The following TBC1D19 variants were observed in gnomAD, a reference collection of about 807,000 sequenced individuals.
The protein encoded by TBC1D19 is TBC1 domain family member 19, also known as TBC1 domain family, member 19.
Under a neutral mutation model 89.0 loss-of-function variants are expected in TBC1D19, and 60 were observed. The ratio of observed to expected loss-of-function variants is 0.67; its 90% CI spans 0.55 to 0.84. TBC1D19 has a LOEUF of 0.84. Among genes scored for constraint, TBC1D19 ranks in the 40% least tolerant of loss-of-function variants. The pLI is 0.00. For synonymous variants in TBC1D19, 189 were observed against 199.7 expected (o/e 0.95, Z 0.45); for missense variants, 500 against 610.8 (o/e 0.82, Z 1.91).
chr4:26,834,029 C>G, the TBC1D19 span, among the ~76,000 whole-genome samples: 1 of 152,150 alleles, frequency 6.6e-6, no homozygotes, highest in Non-Finnish European at 1.5e-5. Context: ...CCCTGTTGTT[C>G]TCGTGATAGT....
chr4:26,658,182 A>G (rs1744986447), intron 7 of TBC1D19, among the ~76,000 whole-genome samples: 1 of 152,088 alleles, frequency 6.6e-6, no homozygotes, highest in South Asian at 2.1e-4. Flanking sequence ...CCTGAATGGT[A>G]TTGCTTAGAT....
At chr4:26,775,827 T>G in the TBC1D19 span, among the ~76,000 whole-genome samples, 1 of 151,952 alleles carries the variant, frequency 6.6e-6, no homozygotes, top group African/African-American at 2.4e-5. Flanking sequence ...AGGCAATGAG[T>G]TGGTATCTTA....
the TBC1D19 span, among the ~76,000 whole-genome samples, chr4:26,844,217 C>A: frequency 2.0e-5 from 3 of 152,160 alleles, no homozygotes; most frequent in African/African-American, 7.2e-5. Context: ...TCATCCCAGA[C>A]CCACTAAATT....
At chr4:26,701,378 T>C (rs556561721) in intron 13 of TBC1D19, among the ~76,000 whole-genome samples, 3 of 152,052 alleles carry the variant, frequency 2.0e-5, no homozygotes, top group African/African-American at 4.8e-5. Context: ...TGTAGTACTT[T>C]CCATACTTTT....
At chr4:26,820,740 T>C in the TBC1D19 span, among the ~76,000 whole-genome samples, 2 of 152,230 alleles carry the variant, frequency 1.3e-5, no homozygotes, top group Non-Finnish European at 2.9e-5. Flanking sequence ...TGTAGTTTTT[T>C]TGAGGAACCT....
chr4:26,848,195 C>T, the TBC1D19 span, among the ~76,000 whole-genome samples: 1 of 152,168 alleles, frequency 6.6e-6, no homozygotes, highest in African/African-American at 2.4e-5. Context: ...CCCAATCTGT[C>T]CAGGGTCTGA....
intron 1 of TBC1D19, among the ~76,000 whole-genome samples, chr4:26,590,212 A>G (rs1739677596): frequency 6.6e-6 from 1 of 152,186 alleles, no homozygotes; most frequent in South Asian, 2.1e-4. Flanking sequence ...AATTTAATTC[A>G]CTTGGTTGTC....
At chr4:26,858,355 C>T in the TBC1D19 span, 1 of 150,650 alleles carries the variant, frequency 6.6e-6, no homozygotes. Flanking sequence ...CGGGTAAGTG[C>T]CAAGGAAAAG....
chr4:26,601,397 T>C (rs1365000377), intron 1 of TBC1D19, among the ~76,000 whole-genome samples: 2 of 152,232 alleles, frequency 1.3e-5, no homozygotes, highest in African/African-American at 4.8e-5. Flanking sequence ...TAGTATTCCA[T>C]TGTATTTATT....
intron 13 of TBC1D19, among the ~76,000 whole-genome samples, chr4:26,695,609 A>G (rs1458369921): frequency 6.6e-6 from 1 of 152,222 alleles, no homozygotes; most frequent in African/African-American, 2.4e-5. Context: ...AGCCAGAGAG[A>G]AAGGTTGGGT....
At chr4:26,834,636 T>G in the TBC1D19 span, among the ~76,000 whole-genome samples, 3 of 152,148 alleles carry the variant, frequency 2.0e-5, no homozygotes, top group African/African-American at 7.2e-5. Context: ...TCTGGGGTCC[T>G]GAAGAGAGAC....
chr4:26,705,917 A>G (rs1201043893), intron 13 of TBC1D19, among the ~76,000 whole-genome samples: 1 of 152,052 alleles, frequency 6.6e-6, no homozygotes, highest in Non-Finnish European at 1.5e-5. Context: ...TTTGTTTGAA[A>G]GACAGGATCT....
At chr4:26,752,058 C>T (rs544297988) in intron 19 of TBC1D19, among the ~76,000 whole-genome samples, 3 of 152,116 alleles carry the variant, frequency 2.0e-5, no homozygotes, top group Non-Finnish European at 2.9e-5. Flanking sequence ...GAACGTGTCA[C>T]CCCACTTACT....
At chr4:26,724,636 C>T (rs1244644674) in intron 15 of TBC1D19, among the ~76,000 whole-genome samples, 2 of 152,080 alleles carry the variant, frequency 1.3e-5, no homozygotes, top group African/African-American at 4.8e-5. Context: ...AATAAAAACC[C>T]CTCTTTCAGT....
At chr4:26,779,154 C>A in the TBC1D19 span, among the ~76,000 whole-genome samples, 1,918 of 152,256 alleles carry the variant, frequency 0.013, 34 homozygotes, top group African/African-American at 0.043. Flanking sequence ...CTAACAAGTT[C>A]TCGAATGGTA....
At chr4:26,686,423 T>C (rs184932522) in intron 12 of TBC1D19, among the ~76,000 whole-genome samples, 1 of 152,054 alleles carries the variant, frequency 6.6e-6, no homozygotes, top group Admixed American at 6.6e-5. Context: ...GTTTTGTTTT[T>C]TTTTTTAACA....
the TBC1D19 span, among the ~76,000 whole-genome samples, chr4:26,767,928 TAAA>T: frequency 6.6e-6 from 1 of 152,050 alleles, no homozygotes; most frequent in East Asian, 1.9e-4. Flanking sequence ...TGATGCAACA[TAAA>T]AAGGAGGAAC....
intron 4 of TBC1D19, among the ~76,000 whole-genome samples, chr4:26,634,953 A>G (rs1007078514): frequency 6.6e-6 from 1 of 152,104 alleles, no homozygotes; most frequent in Non-Finnish European, 1.5e-5. Flanking sequence ...CTGCACATTC[A>G]TGTCTATTGT....
chr4:26,702,251 A>C (rs1715389585), intron 13 of TBC1D19: 1 of 152,204 alleles, frequency 6.6e-6, no homozygotes, highest in South Asian at 2.1e-4. Context: ...TAAGTAACTG[A>C]ACTAATAAGT....
Sources: allele counts gnomAD v4.1 joint callset (sites outside exome capture counted in the v4.1 genomes callset), GRCh38; gene constraint gnomAD v4.1.1; transcripts MANE v1.5; gene names NCBI Gene and HGNC (gene_info 2026-07-23, HGNC 2026-07-21).